The following DOCK5 variants were observed in gnomAD, a reference collection of about 807,000 sequenced individuals.
DOCK5 encodes dedicator of cytokinesis 5, also known as dedicator of cytokinesis protein 5.
DOCK5 carries 142 observed loss-of-function variants against 251.8 expected under a neutral mutation model. The observed-to-expected ratio is 0.56, with a 90% CI of 0.49 to 0.65. The LOEUF is 0.65. Ranked by LOEUF, DOCK5 falls within the 30% of genes least tolerant of loss-of-function variation. DOCK5 has a pLI of 0.00. For synonymous variants in DOCK5, 842 were observed against 835.5 expected (o/e 1.01, Z -0.13); for missense variants, 2,111 against 2,312.3 (o/e 0.91, Z 1.79).
At chr8:25,341,459 C>T (rs1196534566) in intron 23 of DOCK5, among the ~76,000 whole-genome samples, 2 of 152,136 alleles carry the variant, frequency 1.3e-5, no homozygotes, top group Non-Finnish European at 2.9e-5. Flanking sequence ...GCAAGAGAGG[C>T]TTCAAGAATT....
rs546541237 is a variant in DOCK5, at chr8:25,226,768, G to C, written c.44-16906G>C. 1.2e-4 allele frequency among the ~76,000 whole-genome samples: 18 copies of C among 151,890 alleles called. No homozygotes were observed. In the South Asian group the frequency reaches 3.1e-3, roughly 26 times the overall value. On this transcript the variant is annotated intron_variant, in intron 1 of 51. Transcript: ENST00000276440. Reference sequence around the variant, plus strand: ...GCCCGGCTAATTTTTTGTATTTTTAGTAGAAACGGGGTTTCACCGTGTTAG... The same window carrying C: ...GCCCGGCTAATTTTTTGTATTTTTACTAGAAACGGGGTTTCACCGTGTTAG...
intron 44 of DOCK5, among the ~76,000 whole-genome samples, chr8:25,395,196 G>A (rs981995807): frequency 6.6e-6 from 1 of 152,114 alleles, no homozygotes; most frequent in African/African-American, 2.4e-5. Context: ...TGCAGTTCAC[G>A]ATAGAGTTTG....
chr8:25,198,005 C>T (rs1175467120), intron 1 of DOCK5, among the ~76,000 whole-genome samples: 1 of 152,142 alleles, frequency 6.6e-6, no homozygotes, highest in Non-Finnish European at 1.5e-5. Flanking sequence ...CTGCGTCGGC[C>T]TCCCAAAGTG....
At chr8:25,402,974 A>G (rs1801463689) in intron 47 of DOCK5, among the ~76,000 whole-genome samples, 2 of 152,138 alleles carry the variant, frequency 1.3e-5, no homozygotes, top group African/African-American at 2.4e-5. Flanking sequence ...TTCTAGGAGC[A>G]TTTGTCTTTT....
chr8:25,281,423 G>C (rs1804188928), intron 5 of DOCK5, among the ~76,000 whole-genome samples: 1 of 125,986 alleles, frequency 7.9e-6, no homozygotes, highest in Non-Finnish European at 1.7e-5. Context: ...TGGGGGAAAA[G>C]AGTGAAACTC....
Position 25,292,153 on chromosome 8 carries a change from A to G in DOCK5, c.451A>G (p.Lys151Glu). 6.3e-7 allele frequency: 1 copy of G among 1,579,898 alleles called. No homozygotes were observed. Among genetic ancestry groups the G allele is most frequent in the Admixed American group, 1.8e-5 (1 of 54,064 alleles). Residue 151 changes from lysine (K) to glutamate (E), a missense_variant, in exon 6 of 52, where the codon AAA (lysine) becomes GAA (glutamate). By Grantham distance (56) the Lys-to-Glu change is moderately conservative. Coordinates refer to ENST00000276440, the MANE Select transcript of DOCK5 (RefSeq NM_024940.8). ...LAELKKKVTAKIDHGNRMLGL... is the reference protein window; with the variant it reads ...LAELKKKVTAEIDHGNRMLGL... ...AGAGCTCAAGAAGAAAGTCACAGCC[A>G]AAATTGATCATGGGAACAGGTAGGT...
intron 18 of DOCK5, among the ~76,000 whole-genome samples, chr8:25,327,975 A>C (rs1418225112): frequency 6.6e-6 from 1 of 152,120 alleles, no homozygotes; most frequent in African/African-American, 2.4e-5. Flanking sequence ...TCAGAACATC[A>C]TGTTGTACAC....
intron 27 of DOCK5, among the ~76,000 whole-genome samples, chr8:25,353,509 C>T (rs887177087): frequency 2.0e-5 from 3 of 152,028 alleles, no homozygotes; most frequent in African/African-American, 7.3e-5. Flanking sequence ...TTGGAGAATT[C>T]CTCATGTAAA....
intron 34 of DOCK5, among the ~76,000 whole-genome samples, chr8:25,370,902 C>G (rs1311437541): frequency 6.6e-6 from 1 of 152,166 alleles, no homozygotes; most frequent in East Asian, 1.9e-4. Context: ...CCTCGGCTTC[C>G]TAATGGGCTG....
chr8:25,392,579 G>A (rs1349651443), intron 43 of DOCK5, among the ~76,000 whole-genome samples: 1 of 152,134 alleles, frequency 6.6e-6, no homozygotes, highest in Non-Finnish European at 1.5e-5. Context: ...CCTCTGTAGG[G>A]TGAGAAGTCC....
intron 23 of DOCK5, 40 bp downstream of exon 23, chr8:25,341,028 T>C (rs767871431): frequency 6.6e-7 from 1 of 1,511,740 alleles, no homozygotes; most frequent in Non-Finnish European, 9.1e-7. Flanking sequence ...TCTTAGGCTG[T>C]GGTAAGGATG....
At chr8:25,243,216 T>C (rs1449565489) in intron 1 of DOCK5, among the ~76,000 whole-genome samples, 1 of 152,166 alleles carries the variant, frequency 6.6e-6, no homozygotes, top group Non-Finnish European at 1.5e-5. Flanking sequence ...AACTGATCCA[T>C]ATTTGTTGGA....
chr8:25,189,244 G>A (rs957779745), intron 1 of DOCK5, among the ~76,000 whole-genome samples: 1 of 152,012 alleles, frequency 6.6e-6, no homozygotes, highest in Non-Finnish European at 1.5e-5. Context: ...TCATTTTAAA[G>A]ATGGAGTCTT....
chr8:25,189,689 C>T (rs1053941939), intron 1 of DOCK5, among the ~76,000 whole-genome samples: 3 of 151,796 alleles, frequency 2.0e-5, no homozygotes, highest in Admixed American at 1.3e-4. Flanking sequence ...CTCATTGTTG[C>T]ATGTTGGGAT....
At chr8:25,197,118 G>A (rs1331017380) in intron 1 of DOCK5, among the ~76,000 whole-genome samples, 2 of 26,266 alleles carry the variant, frequency 7.6e-5, no homozygotes, top group African/African-American at 1.1e-4. Context: ...CCTACTCTCC[G>A]TGGACATTAA....
At chr8:25,301,248 A>G (rs1040790953) in intron 9 of DOCK5, among the ~76,000 whole-genome samples, 3 of 152,116 alleles carry the variant, frequency 2.0e-5, no homozygotes, top group Non-Finnish European at 4.4e-5. Context: ...ATCACAGACA[A>G]GGGGGGGCTA....
chr8:25,399,790 G>C, intron 45 of DOCK5, 121 bp from the exon 46 acceptor site: 1 of 688,070 alleles, frequency 1.5e-6, no homozygotes, highest in African/African-American at 1.8e-5. Context: ...CTGAGGAAAG[G>C]GATGCATTTT....
At chr8:25,385,345 G>A (rs1001015908) in intron 40 of DOCK5, among the ~76,000 whole-genome samples, 1 of 152,172 alleles carries the variant, frequency 6.6e-6, no homozygotes, top group African/African-American at 2.4e-5. Context: ...AGAGATGACA[G>A]GCTAGACTCG....
intron 18 of DOCK5, among the ~76,000 whole-genome samples, chr8:25,326,346 G>A (rs531086348): frequency 1.6e-4 from 24 of 152,290 alleles, no homozygotes; most frequent in African/African-American, 5.5e-4. Context: ...AGACAAAAAA[G>A]TGTAGTTATA....
Sources: gnomAD v4.1 joint callset for allele counts (sites outside exome capture counted in the v4.1 genomes callset) on GRCh38, gnomAD v4.1.1 for gene constraint, MANE v1.5 for transcripts, NCBI Gene and HGNC (gene_info 2026-07-23, HGNC 2026-07-21) for gene names.